The following FAIM2 variants were observed in gnomAD, a reference collection of about 807,000 sequenced individuals.
FAIM2 encodes the protein protein lifeguard 2.
Under a neutral mutation model 47.4 loss-of-function variants are expected in FAIM2, and 27 were observed. The ratio of observed to expected loss-of-function variants is 0.57; its 90% CI spans 0.42 to 0.78. FAIM2 has a LOEUF of 0.78. Among genes scored for constraint, FAIM2 ranks in the 30% least tolerant of loss-of-function variants. FAIM2 has a pLI of 0.00. For synonymous variants in FAIM2, 156 were observed against 159.3 expected, an observed-to-expected ratio of 0.98 and a Z score of 0.16; for missense variants, 311 against 389.4, an observed-to-expected ratio of 0.80 and a Z score of 1.69.
At chr12:49,892,755 T>A (rs1341785310) in intron 5 of FAIM2, among the ~76,000 whole-genome samples, 2 of 152,266 alleles carry the variant, frequency 1.3e-5, no homozygotes, top group African/African-American at 4.8e-5. Flanking sequence ...TCACCCATAT[T>A]TCTGATCTAT....
At chr12:49,890,883 C>T (rs1417840726) in intron 6 of FAIM2, among the ~76,000 whole-genome samples, 161 bp from the exon 7 acceptor site, 1 of 152,158 alleles carries the variant, frequency 6.6e-6, no homozygotes, top group Non-Finnish European at 1.5e-5. Context: ...CTCCATTCCC[C>T]TTCTCCCTAC....
At chr12:49,887,689 GC>G (rs1304572476) in intron 10 of FAIM2, among the ~76,000 whole-genome samples, 1 of 152,042 alleles carries the variant, frequency 6.6e-6, no homozygotes, top group African/African-American at 2.4e-5. Context: ...TCTTCCCGCA[GC>G]ACACAGCCCT....
chr12:49,878,109 T>TGTATGTGG (rs1482719508), intron 11 of FAIM2, among the ~76,000 whole-genome samples: 1 of 134,830 alleles, frequency 7.4e-6, no homozygotes, highest in Non-Finnish European at 1.6e-5. Context: ...TGTGCATGTG[T>TGTATGTGG]GTATGTGGGT....
chr12:49,879,563 C>G (rs910658275), intron 11 of FAIM2, among the ~76,000 whole-genome samples: 15 of 132,928 alleles, frequency 1.1e-4, no homozygotes, highest in African/African-American at 3.8e-4. Flanking sequence ...TATGTGCATG[C>G]ATGTATATGT....
At chr12:49,871,967 G>A (rs1328922512) in intron 11 of FAIM2, among the ~76,000 whole-genome samples, 1 of 152,056 alleles carries the variant, frequency 6.6e-6, no homozygotes, top group African/African-American at 2.4e-5. Context: ...GGCCCAGCCC[G>A]GGATTAGAAT....
intron 11 of FAIM2, among the ~76,000 whole-genome samples, chr12:49,881,355 G>C (rs1018447334): frequency 6.6e-6 from 1 of 152,132 alleles, no homozygotes; most frequent in Non-Finnish European, 1.5e-5. Flanking sequence ...GAAGTGAAGA[G>C]GTCTATTCCC....
chr12:49,903,201 T>A (rs1181865739), intron 1 of FAIM2, among the ~76,000 whole-genome samples: 1 of 152,168 alleles, frequency 6.6e-6, no homozygotes, highest in African/African-American at 2.4e-5. Flanking sequence ...TCCGGACCCA[T>A]CCATGCCTGG....
chr12:49,890,191 T>G, intron 7 of FAIM2, 37 bp from the exon 8 acceptor site: 1 of 1,611,138 alleles, frequency 6.2e-7, no homozygotes, highest in Non-Finnish European at 8.5e-7. Context: ...TGTTCCAAAC[T>G]CAGACGCAGG....
intron 11 of FAIM2, among the ~76,000 whole-genome samples, chr12:49,880,270 G>T (rs1946803914): frequency 6.6e-6 from 1 of 151,624 alleles, no homozygotes; most frequent in Non-Finnish European, 1.5e-5. Context: ...GTGCGTATGT[G>T]TATATGTATG....
Position 49,898,009 on chromosome 12 carries a change from A to G in FAIM2, c.293T>C (p.Val98Ala), listed in dbSNP as rs1395793166. Residue 98 changes from valine to alanine, a missense_variant, in exon 3 of 12, where the codon GTT becomes GCT. Val to Ala is a moderately conservative substitution (Grantham distance 64, BLOSUM62 0). Transcript: ENST00000320634. ...TACCTTTCTGACAAAGACTCGACGAACTTTCTGGTCATCCCAGCTGAAAGT... is the reference window on the plus strand; with the variant it reads ...TACCTTTCTGACAAAGACTCGACGAGCTTTCTGGTCATCCCAGCTGAAAGT... ...FTTFSWDDQK[V>A]RRVFVRKVYT... is the part of the protein sequence containing the mutation. The G allele has an allele frequency of 6.2e-7, 1 of 1,613,978 alleles. No homozygotes were observed.
chr12:49,903,544 A>G (rs928864188), intron 1 of FAIM2, among the ~76,000 whole-genome samples: 2 of 152,208 alleles, frequency 1.3e-5, no homozygotes, highest in South Asian at 4.1e-4. Flanking sequence ...CTGTAATGCC[A>G]AAGCAGGGGT....
intron 11 of FAIM2, 82 bp from the exon 12 acceptor site, chr12:49,870,735 C>A: frequency 7.3e-7 from 1 of 1,378,968 alleles, no homozygotes; most frequent in Non-Finnish European, 1.0e-6. Flanking sequence ...GTGTCCCCCT[C>A]AGCCCCACCC....
At chr12:49,883,903 C>T (rs1385509888) in intron 11 of FAIM2, among the ~76,000 whole-genome samples, 1 of 152,092 alleles carries the variant, frequency 6.6e-6, no homozygotes, top group African/African-American at 2.4e-5. Context: ...TCCCTTTGAC[C>T]TGGATGAGAG....
chr12:49,890,432 C>T (rs1321728171), intron 7 of FAIM2, among the ~76,000 whole-genome samples: 1 of 152,152 alleles, frequency 6.6e-6, no homozygotes. Flanking sequence ...CTCTAGGATG[C>T]CTCAAGCAAA....
intron 11 of FAIM2, among the ~76,000 whole-genome samples, chr12:49,878,432 G>A (rs1243040017): frequency 1.5e-5 from 2 of 133,862 alleles, no homozygotes; most frequent in Non-Finnish European, 3.1e-5. Flanking sequence ...GTGTATATGT[G>A]CAAGTGTGTG....
chr12:49,901,031 A>G (rs1308637217), intron 2 of FAIM2, 99 bp downstream of exon 2: 1 of 904,574 alleles, frequency 1.1e-6, no homozygotes, highest in East Asian at 3.0e-5. Flanking sequence ...ACAACCACAC[A>G]GTGTACCTCT....
chr12:49,880,494 ATG>A (rs3049280), intron 11 of FAIM2, among the ~76,000 whole-genome samples: 45 of 138,938 alleles, frequency 3.2e-4, no homozygotes, highest in Admixed American at 2.0e-3. Context: ...ATGCATGTGT[ATG>A]TGTGTGTATG....
chr12:49,882,762 TG>T (rs2137092199), intron 11 of FAIM2, among the ~76,000 whole-genome samples: 1 of 152,274 alleles, frequency 6.6e-6, no homozygotes, highest in South Asian at 2.1e-4. Flanking sequence ...CCACACCTCT[TG>T]GGGATCTGTT....
chr12:49,897,588 G>GGTGTGACCAATGGCGGGA lies in FAIM2; in HGVS notation c.316-6_316-5insTCCCGCCATTGGTCACAC, dbSNP rs1946947069. Reference sequence around the variant, plus strand: ...AATCAGCAGGATGGTGTAGACCTGGGGGTGGGAGGGGTTCTACTCAGCTTG... The same window carrying GGTGTGACCAATGGCGGGA: ...AATCAGCAGGATGGTGTAGACCTGGGGTGTGACCAATGGCGGGAGGTGGGAGGGGTTCTACTCAGCTTG... On this transcript the variant is annotated splice_polypyrimidine_tract_variant and splice_region_variant and intron_variant, in intron 3 of 11. Coordinates refer to ENST00000320634, the MANE Select transcript of FAIM2 (RefSeq NM_012306.4). 1 of 1,612,772 alleles carries GGTGTGACCAATGGCGGGA rather than the reference G, an allele frequency of 6.2e-7. No homozygotes were observed. The highest frequency in any genetic ancestry group is 1.3e-5 in the African/African-American group (1 of 74,890).
Sources: allele counts gnomAD v4.1 joint callset (sites outside exome capture counted in the v4.1 genomes callset), GRCh38; gene constraint gnomAD v4.1.1; transcripts MANE v1.5; gene names NCBI Gene and HGNC (gene_info 2026-07-23, HGNC 2026-07-21).